Variants in LRP1B observed in about 807,000 individuals in gnomAD.
LRP1B encodes LDL receptor related protein 1B.
LRP1B carries 217 observed loss-of-function variants against 556.6 expected under a neutral mutation model. The ratio of observed to expected loss-of-function variants is 0.39; its 90% CI spans 0.35 to 0.44. The LOEUF is 0.44. LRP1B is among the 20% of genes least tolerant of loss of function. LRP1B has a pLI of 1.00. For missense variants in LRP1B, 5,053 were observed against 5,620.8 expected, an observed-to-expected ratio of 0.90 and a Z score of 3.23; for synonymous variants, 2,047 against 1,865.8, an observed-to-expected ratio of 1.10 and a Z score of -2.50.
chr2:140,800,878 C>T (rs565550405), intron 32 of LRP1B, among the ~76,000 whole-genome samples: 76 of 152,202 alleles, frequency 5.0e-4, no homozygotes, highest in African/African-American at 1.8e-3. Context: ...CTCATTTTCT[C>T]CCCATTTCAA....
chr2:141,716,326 G>A (rs528605328), intron 2 of LRP1B, among the ~76,000 whole-genome samples: 1 of 152,166 alleles, frequency 6.6e-6, no homozygotes, highest in African/African-American at 2.4e-5. Flanking sequence ...TGGAGAATGG[G>A]TCTTTTTATA....
At chr2:142,100,936 G>A (rs937097372) in intron 1 of LRP1B, among the ~76,000 whole-genome samples, 1 of 151,964 alleles carries the variant, frequency 6.6e-6, no homozygotes, top group East Asian at 1.9e-4. Context: ...GAGGGAAGGA[G>A]GAAGGGGACA....
At chr2:141,166,365 T>C (rs760769701) in intron 7 of LRP1B, among the ~76,000 whole-genome samples, 4 of 114,300 alleles carry the variant, frequency 3.5e-5, no homozygotes, top group Non-Finnish European at 6.7e-5. Flanking sequence ...TTCTCTCTCA[T>C]TCTTTTTTTT....
At chr2:140,321,397 C>A (rs947443854) in intron 82 of LRP1B, among the ~76,000 whole-genome samples, 1 of 151,414 alleles carries the variant, frequency 6.6e-6, no homozygotes. Context: ...TAGTGTTATG[C>A]CTTCCTTCAT....
At chr2:140,502,886 C>T in intron 54 of LRP1B, 77 bp downstream of exon 54, 1 of 1,440,932 alleles carries the variant, frequency 6.9e-7, no homozygotes, top group African/African-American at 1.4e-5. Flanking sequence ...TCATTGAATA[C>T]TATACTAGAC....
chr2:141,748,511 G>A (rs1239980760), intron 2 of LRP1B, among the ~76,000 whole-genome samples: 2 of 152,150 alleles, frequency 1.3e-5, no homozygotes, highest in Non-Finnish European at 2.9e-5. Context: ...TCTGGGCAAG[G>A]CACTACATCT....
chr2:140,887,803 C>T (rs1047712422), intron 23 of LRP1B, among the ~76,000 whole-genome samples: 9 of 152,086 alleles, frequency 5.9e-5, no homozygotes, highest in Non-Finnish European at 1.3e-4. Context: ...TCATAAAACA[C>T]ATATTGCATG....
At chr2:140,606,760 C>G (rs1477158282) in intron 41 of LRP1B, among the ~76,000 whole-genome samples, 2 of 151,898 alleles carry the variant, frequency 1.3e-5, no homozygotes, top group African/African-American at 4.8e-5. Flanking sequence ...ATATTTGATT[C>G]CTTCTTCATA....
intron 31 of LRP1B, among the ~76,000 whole-genome samples, chr2:140,834,736 G>A (rs1306956496): frequency 6.6e-6 from 1 of 151,958 alleles, no homozygotes; most frequent in Non-Finnish European, 1.5e-5. Flanking sequence ...TCACCATCCA[G>A]AATTGAAACT....
At chr2:140,416,340 AT>A (rs1312294493) in intron 66 of LRP1B, among the ~76,000 whole-genome samples, 1 of 152,174 alleles carries the variant, frequency 6.6e-6, no homozygotes, top group African/African-American at 2.4e-5. Flanking sequence ...TAATAAATCA[AT>A]TGTTTGAAGA....
intron 55 of LRP1B, among the ~76,000 whole-genome samples, chr2:140,497,467 T>C (rs1688994279): frequency 6.6e-6 from 1 of 151,864 alleles, no homozygotes; most frequent in South Asian, 2.1e-4. Context: ...ATGGTTAAAA[T>C]GATGAATTTT....
chr2:140,329,987 A>T (rs544904014), intron 79 of LRP1B, among the ~76,000 whole-genome samples: 2 of 151,716 alleles, frequency 1.3e-5, no homozygotes, highest in African/African-American at 4.8e-5. Context: ...ATCGCTTGAG[A>T]TCTGGAGTTC....
intron 79 of LRP1B, 107 bp from the exon 80 acceptor site, chr2:140,325,985 G>A (rs1276386525): frequency 1.4e-6 from 1 of 699,048 alleles, no homozygotes; most frequent in Non-Finnish European, 2.5e-6. Context: ...TTGTCTTCAA[G>A]CATCATAGAA....
intron 41 of LRP1B, among the ~76,000 whole-genome samples, chr2:140,643,926 G>T (rs557355224): frequency 6.6e-6 from 1 of 152,120 alleles, no homozygotes; most frequent in Admixed American, 6.5e-5. Context: ...GTGGGGGGTG[G>T]ACGATATATG....
At chr2:140,827,231 C>T (rs1691540657) in intron 31 of LRP1B, among the ~76,000 whole-genome samples, 1 of 152,022 alleles carries the variant, frequency 6.6e-6, no homozygotes, top group Admixed American at 6.6e-5. Flanking sequence ...TAAGAAACTA[C>T]AGCAAACAGG....
intron 3 of LRP1B, among the ~76,000 whole-genome samples, chr2:141,262,023 C>T (rs1484233984): frequency 6.6e-6 from 1 of 152,158 alleles, no homozygotes; most frequent in East Asian, 1.9e-4. Flanking sequence ...CTTCCAGCTA[C>T]TCTACCTTCT....
intron 43 of LRP1B, among the ~76,000 whole-genome samples, chr2:140,551,803 C>T (rs1038489520): frequency 4.6e-5 from 7 of 152,068 alleles, no homozygotes; most frequent in African/African-American, 1.7e-4. Context: ...GAAAGACTCC[C>T]TAAATCACAT....
chr2:141,996,593 T>C (rs971568424), intron 1 of LRP1B, among the ~76,000 whole-genome samples: 7 of 152,198 alleles, frequency 4.6e-5, no homozygotes. Context: ...TGCTGGATTG[T>C]CTGGCTAAAA....
chr2:141,393,392 T>C (rs1298707033), intron 3 of LRP1B, among the ~76,000 whole-genome samples: 1 of 152,188 alleles, frequency 6.6e-6, no homozygotes, highest in African/African-American at 2.4e-5. Context: ...AACTTTCTCT[T>C]AGCTTCCCCT....
Sources: allele counts gnomAD v4.1 joint callset (sites outside exome capture counted in the v4.1 genomes callset), GRCh38; gene constraint gnomAD v4.1.1; transcripts MANE v1.5; gene names NCBI Gene and HGNC (gene_info 2026-07-23, HGNC 2026-07-21).